The following NRXN1 variants were observed in gnomAD, a reference collection of about 807,000 sequenced individuals.
NRXN1 encodes neurexin-1.
A neutral mutation model predicts 150.9 loss-of-function variants in NRXN1; 39 were observed. The ratio of observed to expected loss-of-function variants is 0.26; its 90% CI spans 0.20 to 0.34. The LOEUF (loss-of-function observed/expected upper bound fraction) is 0.34. Ranked by LOEUF, NRXN1 falls within the 10% of genes least tolerant of loss-of-function variation. NRXN1 has a pLI of 1.00. For synonymous variants in NRXN1, 924 were observed against 757.0 expected, an observed-to-expected ratio of 1.22 and a Z score of -3.62; for missense variants, 1,815 against 1,949.9, an observed-to-expected ratio of 0.93 and a Z score of 1.30.
intron 17 of NRXN1, among the ~76,000 whole-genome samples, chr2:50,420,726 G>C (rs1297102133): frequency 6.6e-6 from 1 of 152,046 alleles, no homozygotes; most frequent in East Asian, 1.9e-4. Context: ...TAATTTCCTT[G>C]TTCATAGACT....
At chr2:49,925,073 C>T (rs1033636983) in intron 22 of NRXN1, among the ~76,000 whole-genome samples, 3 of 151,948 alleles carry the variant, frequency 2.0e-5, no homozygotes, top group African/African-American at 4.8e-5. Flanking sequence ...GAGTGGATCA[C>T]GAGGTCAAGA....
chr2:50,581,712 G>A (rs151239738), intron 8 of NRXN1, among the ~76,000 whole-genome samples: 1 of 152,264 alleles, frequency 6.6e-6, no homozygotes, highest in Non-Finnish European at 1.5e-5. Flanking sequence ...GGAGTCTTTT[G>A]AGAGTGTCAA....
rs770820205 is a variant in NRXN1 at position 51,028,265 on chromosome 2, C to G, written c.9G>C (p.Thr3=). The part of the protein sequence containing the change: MG[T]ALLQRGGCFL... ...AACAGCCCCCGCGCTGGAGCAGCGC[C>G]GTCCCCATGCTCGGGGCTGGGGTGC... Residue 3 remains threonine, a synonymous_variant, in exon 2 of 23, where the codon ACG becomes ACC. Coordinates refer to ENST00000401669, the MANE Select transcript of NRXN1 (RefSeq NM_001330078.2). The G allele has an allele frequency of 3.5e-6, 5 of 1,447,172 alleles. No homozygotes were observed. The highest frequency in any genetic ancestry group is 2.7e-5 in the Admixed American group (1 of 36,968). The allele number at this position is 1,447,172 out of a possible 1,614,324, so 89.6% of individuals were successfully genotyped here.
chr2:50,402,632 C>T (rs147106705), intron 17 of NRXN1, among the ~76,000 whole-genome samples: 1 of 152,180 alleles, frequency 6.6e-6, no homozygotes, highest in African/African-American at 2.4e-5. Flanking sequence ...ACAAAAAAGG[C>T]ACAAAAACGA....
chr2:50,119,585 A>G (rs1296388668), intron 18 of NRXN1, among the ~76,000 whole-genome samples: 2 of 151,896 alleles, frequency 1.3e-5, no homozygotes, highest in East Asian at 3.9e-4. Context: ...AAAAACTATC[A>G]TTTGAATGTA....
In NRXN1 at chr2:50,538,515, G is replaced by C. The variant is rs1452441477; in HGVS notation, c.1881C>G (p.Phe627Leu). Residue 627 changes from phenylalanine to leucine, a missense_variant, in exon 10 of 23, where the codon TTC becomes TTG. Phe to Leu is a conservative substitution (Grantham distance 22). Transcript: ENST00000401669. ...GLPENKAGLV[F>L]PTEVWTALLN... ...GCAGAGCAGTCCACACCTCGGTGGG[G>C]AAGACAAGGCCAGCTTTATTTTCTG... 1.2e-6 allele frequency: 2 copies of C among 1,605,520 alleles called. No homozygotes were observed.
chr2:49,924,724 A>G (rs1363666524), intron 22 of NRXN1, among the ~76,000 whole-genome samples: 1 of 152,216 alleles, frequency 6.6e-6, no homozygotes, highest in Non-Finnish European at 1.5e-5. Flanking sequence ...TGTAAATCCC[A>G]GATGTAAAAA....
intron 5 of NRXN1, among the ~76,000 whole-genome samples, chr2:50,660,608 T>C (rs919169269): frequency 3.9e-5 from 6 of 152,022 alleles, no homozygotes; most frequent in Admixed American, 2.6e-4. Context: ...GGGTAATGTG[T>C]AGCTTGCAGT....
chr2:50,354,848 C>G (rs1293771958), intron 17 of NRXN1, among the ~76,000 whole-genome samples: 1 of 151,976 alleles, frequency 6.6e-6, no homozygotes, highest in Non-Finnish European at 1.5e-5. Flanking sequence ...AACTGGCAAC[C>G]TGGGATCTGT....
At chr2:50,402,979 A>T (rs1378363492) in intron 17 of NRXN1, among the ~76,000 whole-genome samples, 2 of 152,182 alleles carry the variant, frequency 1.3e-5, no homozygotes, top group Non-Finnish European at 2.9e-5. Flanking sequence ...CAAAACAAAT[A>T]TTAATGTAAG....
intron 2 of NRXN1, among the ~76,000 whole-genome samples, chr2:50,972,723 A>G (rs531668214): frequency 6.6e-6 from 1 of 152,090 alleles, no homozygotes; most frequent in African/African-American, 2.4e-5. Context: ...TAGATCCCTC[A>G]CATGCACAGG....
chr2:50,390,606 T>C (rs2081623873), intron 17 of NRXN1, among the ~76,000 whole-genome samples: 1 of 152,108 alleles, frequency 6.6e-6, no homozygotes, highest in Non-Finnish European at 1.5e-5. Flanking sequence ...CATGCAGCAA[T>C]ATTGAGAGGT....
At chr2:50,077,131 T>G (rs1331435342) in intron 19 of NRXN1, among the ~76,000 whole-genome samples, 1 of 152,166 alleles carries the variant, frequency 6.6e-6, no homozygotes, top group Non-Finnish European at 1.5e-5. Context: ...AATGCAATAA[T>G]GTTTGTAAAT....
At chr2:49,994,646 C>T (rs1282201956) in intron 21 of NRXN1, among the ~76,000 whole-genome samples, 8 of 152,158 alleles carry the variant, frequency 5.3e-5, no homozygotes, top group Non-Finnish European at 7.3e-5. Context: ...GAGGGAACTA[C>T]TTCAAGGAAA....
intron 2 of NRXN1, among the ~76,000 whole-genome samples, chr2:51,025,658 T>C (rs1028284184): frequency 5.3e-5 from 8 of 152,208 alleles, no homozygotes; most frequent in Admixed American, 5.2e-4. Context: ...TTTTAAAATT[T>C]GTTTCTATTA....
At chr2:50,698,822 C>G (rs1239837463) in intron 5 of NRXN1, among the ~76,000 whole-genome samples, 1 of 152,150 alleles carries the variant, frequency 6.6e-6, no homozygotes, top group East Asian at 1.9e-4. Context: ...TTTTGCTATT[C>G]ATTGTTTATG....
intron 5 of NRXN1, among the ~76,000 whole-genome samples, chr2:50,792,362 T>A (rs568319759): frequency 6.6e-6 from 1 of 152,240 alleles, no homozygotes; most frequent in East Asian, 1.9e-4. Flanking sequence ...TTAGAGATCA[T>A]GTCCATCTTG....
At chr2:50,634,584 T>G (rs1239037032) in intron 5 of NRXN1, among the ~76,000 whole-genome samples, 1 of 152,240 alleles carries the variant, frequency 6.6e-6, no homozygotes, top group Non-Finnish European at 1.5e-5. Flanking sequence ...TTAAGTTACT[T>G]CTTTTCCCCA....
intron 5 of NRXN1, among the ~76,000 whole-genome samples, chr2:50,690,231 C>A (rs1691877469): frequency 6.6e-6 from 1 of 152,080 alleles, no homozygotes; most frequent in East Asian, 1.9e-4. Flanking sequence ...AACTTTCCAA[C>A]CTGTAAAATT....
Sources: allele counts gnomAD v4.1 joint callset (sites outside exome capture counted in the v4.1 genomes callset), GRCh38; gene constraint gnomAD v4.1.1; transcripts MANE v1.5; gene names NCBI Gene and HGNC (gene_info 2026-07-23, HGNC 2026-07-21).